FOXJ2: variants seen among roughly 807,000 people sequenced by gnomAD.
FOXJ2 encodes the protein forkhead box J2, also known as forkhead box protein J2.
Under a neutral mutation model 68.4 loss-of-function variants are expected in FOXJ2, and 18 were observed. The ratio of observed to expected loss-of-function variants is 0.26; its 90% CI spans 0.18 to 0.39. FOXJ2 has a LOEUF of 0.39. Among genes scored for constraint, FOXJ2 ranks in the 10% least tolerant of loss-of-function variants. The pLI is 1.00. For synonymous variants in FOXJ2, 274 were observed against 263.2 expected (o/e 1.04, Z -0.40); for missense variants, 670 against 726.5 (o/e 0.92, Z 0.89).
chr12:8,048,558 A>T, intron 7 of FOXJ2, 139 bp from the exon 8 acceptor site: 3 of 1,118,790 alleles, frequency 2.7e-6, no homozygotes, highest in Non-Finnish European at 3.9e-6. Flanking sequence ...ACTCCCAGGG[A>T]GGGAGAGTCC....
Position 8,032,734 on chromosome 12 carries a change from G to T in FOXJ2, c.-1114G>T, listed in dbSNP as rs369074834. On this transcript the variant is annotated 5_prime_UTR_variant, in exon 1 of 11. Transcript: ENST00000162391. The surrounding 1 kb of genome is among the most constrained non-coding windows in gnomAD (Gnocchi z 4.8). ...GGGGCCTGCAGCGGAGCCGAGCCGAGCCCGAGCCCGCGCCGAGCCCTGACA... is the reference window on the plus strand; with the variant it reads ...GGGGCCTGCAGCGGAGCCGAGCCGATCCCGAGCCCGCGCCGAGCCCTGACA... The T allele has an allele frequency of 5.6e-3, 2,204 of 394,956 alleles. 11 individuals are homozygous for T. The highest frequency in any genetic ancestry group is 0.012 in the South Asian group (91 of 7,838). 24.5% of individuals were successfully genotyped at this position (394,956 alleles called of 1,614,324 possible).
At chr12:8,045,019 G>A in intron 6 of FOXJ2, 61 bp downstream of exon 6, 1 of 1,479,882 alleles carries the variant, frequency 6.8e-7, no homozygotes, top group Non-Finnish European at 9.2e-7. Flanking sequence ...CAAGTGGGGT[G>A]ACATTTTCTT....
intron 10 of FOXJ2, among the ~76,000 whole-genome samples, chr12:8,050,887 TC>T (rs1947111593): frequency 1.3e-5 from 1 of 75,514 alleles, no homozygotes; most frequent in Non-Finnish European, 2.7e-5. Flanking sequence ...CCCCTTCCCT[TC>T]CCCTTCCCTT....
Position 8,052,885 on chromosome 12 carries a change from C to T in FOXJ2, c.*35C>T, listed in dbSNP as rs1205868953. ...GAGTGTGGACATCAGCCCAGGGCCGCGTGGTGAAATCTGGCAGTGGGGAAA... is the reference window on the plus strand; with the variant it reads ...GAGTGTGGACATCAGCCCAGGGCCGTGTGGTGAAATCTGGCAGTGGGGAAA... On this transcript the variant is annotated 3_prime_UTR_variant, in exon 11 of 11. Transcript: ENST00000162391. 1 of 1,558,124 alleles carries T rather than the reference C, an allele frequency of 6.4e-7. No individual in the cohort carries two copies. The highest frequency in any genetic ancestry group is 1.4e-5 in the African/African-American group (1 of 73,732).
At position 8,038,572 on chromosome 12, in the gene FOXJ2, A is replaced by G. The variant is rs950906089; in HGVS notation, c.-14-1247A>G. On this transcript the variant is annotated intron_variant, in intron 1 of 10. Transcript: ENST00000162391. The surrounding 1 kb of genome is among the most constrained non-coding windows in gnomAD (Gnocchi z 5.3). ...GCATCTGGCGGCTGTGCAGGCACAA[A>G]CCTGCTAGGCAGCAAGTGCTTAGGG... is the stretch of plus-strand genomic sequence containing the variant. Among the ~76,000 whole-genome samples, 1 of 152,154 alleles carries G rather than the reference A, an allele frequency of 6.6e-6. No homozygotes were observed. The highest frequency in any genetic ancestry group is 2.4e-5 in the African/African-American group (1 of 41,436).
intron 6 of FOXJ2, among the ~76,000 whole-genome samples, chr12:8,047,315 G>T (rs1440165982): frequency 2.0e-5 from 3 of 152,082 alleles, no homozygotes; most frequent in Non-Finnish European, 4.4e-5. Flanking sequence ...CAGGCGTGGT[G>T]GTACACACCT....
chr12:8,037,062 C>T (rs112508797), intron 1 of FOXJ2, among the ~76,000 whole-genome samples: 2 of 152,202 alleles, frequency 1.3e-5, no homozygotes, highest in African/African-American at 4.8e-5. Flanking sequence ...GTACTCTATC[C>T]TGGGCCACAG....
chr12:8,046,495 T>C (rs1162724155), intron 6 of FOXJ2, among the ~76,000 whole-genome samples: 1 of 152,260 alleles, frequency 6.6e-6, no homozygotes, highest in Non-Finnish European at 1.5e-5. Context: ...GATGACTTTC[T>C]TCTAGTTATC....
intron 6 of FOXJ2, among the ~76,000 whole-genome samples, chr12:8,045,671 T>C (rs1210843557): frequency 2.0e-5 from 3 of 147,442 alleles, no homozygotes; most frequent in Non-Finnish European, 4.5e-5. Context: ...TCTTTATTTT[T>C]TTGAGGCACA....
At chr12:8,044,693 C>A in intron 5 of FOXJ2, 67 bp from the exon 6 acceptor site, 1 of 1,548,228 alleles carries the variant, frequency 6.5e-7, no homozygotes, top group South Asian at 1.1e-5. Context: ...AGCCTGGTGA[C>A]CATTGAAGGG....
chr12:8,051,020 C>CTTCCCTTCCCTTTCCT (rs1268130652), intron 10 of FOXJ2, among the ~76,000 whole-genome samples: 2 of 126,516 alleles, frequency 1.6e-5, no homozygotes, highest in Admixed American at 1.6e-4. Flanking sequence ...TTCCCTTTCC[C>CTTCCCTTCCCTTTCCT]TTCCCTTCCC....
intron 5 of FOXJ2, among the ~76,000 whole-genome samples, 153 bp downstream of exon 5, chr12:8,044,244 A>C (rs1947005159): frequency 6.6e-6 from 1 of 152,206 alleles, no homozygotes; most frequent in African/African-American, 2.4e-5. Flanking sequence ...ATAGAGAGAG[A>C]GAGAAATAGA....
At position 8,045,050 on chromosome 12, in the gene FOXJ2, T is replaced by C. The variant is rs1326550778; in HGVS notation, c.817+92T>C. 8 of 1,347,926 alleles carry C rather than the reference T, an allele frequency of 5.9e-6. No homozygotes were observed. The East Asian group carries it at 1.8e-4, about 31-fold the overall frequency. 83.5% of individuals were successfully genotyped at this position (1,347,926 alleles called of 1,614,324 possible). A position where few individuals can be genotyped will look rare whatever the true frequency, so the allele number is the denominator to read the frequency against. ...TTCTTTTTTCCCTTAGTTTTTTATTTTTATTTTTTGTGAGACAGGGTCTCA... is the reference window on the plus strand; with the variant it reads ...TTCTTTTTTCCCTTAGTTTTTTATTCTTATTTTTTGTGAGACAGGGTCTCA... On this transcript the variant is annotated intron_variant, in intron 6 of 10. Coordinates refer to ENST00000162391, the MANE Select transcript of FOXJ2 (RefSeq NM_018416.3).
chr12:8,033,692 C>G lies in FOXJ2; in HGVS notation c.-156C>G, dbSNP rs1489194975. ...TCCTCAGGGGACCCAGTTCCCCTCACCAACTTGGGAGGCTCAGCCTCGTCC... is the reference window on the plus strand; with the variant it reads ...TCCTCAGGGGACCCAGTTCCCCTCAGCAACTTGGGAGGCTCAGCCTCGTCC... On this transcript the variant is annotated 5_prime_UTR_variant, in exon 1 of 11. Transcript: ENST00000162391. The G allele has an allele frequency of 6.5e-6, 1 of 152,862 alleles. No homozygotes were observed. Among genetic ancestry groups the G allele is most frequent in the East Asian group, 1.9e-4 (1 of 5,176 alleles). The allele number at this position is 152,862 out of a possible 1,614,324, so 9.5% of individuals were successfully genotyped here.
intron 9 of FOXJ2, 108 bp from the exon 10 acceptor site, chr12:8,050,414 G>A (rs988602737): frequency 2.7e-6 from 4 of 1,472,980 alleles, no homozygotes; most frequent in Middle Eastern, 2.4e-4. Flanking sequence ...ACAGGGCAGG[G>A]AAGAGAGAAG....
intron 8 of FOXJ2, 27 bp downstream of exon 8, chr12:8,048,825 G>T (rs1370789420): frequency 6.3e-7 from 1 of 1,594,244 alleles, no homozygotes; most frequent in African/African-American, 1.3e-5. Flanking sequence ...CGAAGGAAGA[G>T]AGGGATACAC....
At chr12:8,050,722 C>T (rs750045305) in intron 10 of FOXJ2, 102 bp downstream of exon 10, 14 of 1,310,732 alleles carry the variant, frequency 1.1e-5, no homozygotes, top group African/African-American at 4.3e-5. Context: ...GCCTGCATCT[C>T]GCTGGAGGGA....
intron 10 of FOXJ2, 40 bp from the exon 11 acceptor site, chr12:8,052,722 C>A: frequency 6.5e-7 from 1 of 1,531,370 alleles, no homozygotes; most frequent in African/African-American, 1.4e-5. Flanking sequence ...AACAGCTTCC[C>A]ATCCACTCTC....
intron 1 of FOXJ2, among the ~76,000 whole-genome samples, chr12:8,034,206 T>A (rs1421645531): frequency 1.3e-5 from 2 of 152,180 alleles, no homozygotes; most frequent in Non-Finnish European, 2.9e-5. Context: ...CCTTCACCCT[T>A]GGGCCTTTTC....
Sources: gnomAD v4.1 joint callset for allele counts (sites outside exome capture counted in the v4.1 genomes callset) on GRCh38, gnomAD v4.1.1 for gene constraint, Gnocchi (gnomAD v3.1) non-coding constraint, MANE v1.5 for transcripts, NCBI Gene and HGNC (gene_info 2026-07-23, HGNC 2026-07-21) for gene names.